The following DCLK3 variants were observed in gnomAD, a reference collection of about 807,000 sequenced individuals.
The protein encoded by DCLK3 is doublecortin like kinase 3, also known as serine/threonine-protein kinase DCLK3.
Under a neutral mutation model 46.4 loss-of-function variants are expected in DCLK3, and 30 were observed. The ratio of observed to expected loss-of-function variants is 0.65; its 90% confidence interval spans 0.48 to 0.88. DCLK3 has a LOEUF of 0.88. Among genes scored for constraint, DCLK3 ranks in the 40% least tolerant of loss-of-function variants. The pLI, the probability that DCLK3 is intolerant of heterozygous loss-of-function variation, is 0.00. For missense variants in DCLK3, 846 were observed against 907.1 expected (o/e 0.93, Z 0.87); for synonymous variants, 401 against 339.2 (o/e 1.18, Z -2.00).
At chr3:36,723,570 C>A (rs557351311) in intron 2 of DCLK3, among the ~76,000 whole-genome samples, 92 of 152,276 alleles carry the variant, frequency 6.0e-4, no homozygotes, top group African/African-American at 2.0e-3. Flanking sequence ...ATGCTGTGTG[C>A]AGCCTAGGGA....
chr3:36,754,575 A>G (rs761018720), intron 1 of DCLK3, among the ~76,000 whole-genome samples: 1 of 152,228 alleles, frequency 6.6e-6, no homozygotes, highest in East Asian at 1.9e-4. Flanking sequence ...ATTTGGTGCT[A>G]GTAGTGTCTA....
rs2125517261 is a variant in DCLK3 at position 36,713,293 on chromosome 3, G to A, written c.*2035C>T. The A allele has an allele frequency of 6.6e-6, 1 of 152,332 alleles. No homozygotes were observed. Among genetic ancestry groups the A allele is most frequent in the Middle Eastern group, 3.4e-3 (1 of 294 alleles). The allele number at this position is 152,332 out of a possible 1,614,324, so 9.4% of individuals were successfully genotyped here. A position where few individuals can be genotyped will look rare whatever the true frequency, so the allele number is the denominator to read the frequency against. ...AAAACCAGAAAAATGTGACATCATG[G>A]TAGTCAACAGGAGAAATTATTCAAA... On this transcript the variant is annotated 3_prime_UTR_variant, in exon 5 of 5. Transcript: ENST00000636136.
chr3:36,728,481 G>A (rs914891926), intron 2 of DCLK3, among the ~76,000 whole-genome samples: 1 of 152,158 alleles, frequency 6.6e-6, no homozygotes, highest in African/African-American at 2.4e-5. Context: ...CCGGCTGGGG[G>A]CTTGGATAGA....
chr3:36,732,130 G>A (rs188300791), intron 2 of DCLK3, among the ~76,000 whole-genome samples: 1 of 152,312 alleles, frequency 6.6e-6, no homozygotes, highest in East Asian at 1.9e-4. Context: ...TTGATGAAAT[G>A]AGGTCACAGT....
At chr3:36,716,129 C>T (rs887414895) in intron 4 of DCLK3, among the ~76,000 whole-genome samples, 3 of 152,146 alleles carry the variant, frequency 2.0e-5, no homozygotes, top group African/African-American at 7.2e-5. Context: ...AAGACCATGA[C>T]TGATTTTAGA....
chr3:36,730,741 A>C (rs1701189388), intron 2 of DCLK3, among the ~76,000 whole-genome samples: 1 of 151,704 alleles, frequency 6.6e-6, no homozygotes, highest in Non-Finnish European at 1.5e-5. Flanking sequence ...ATCACAGAAA[A>C]TTCTACTGGC....
rs758826448 is a variant in DCLK3 at position 36,738,539 on chromosome 3, T to C, written c.628A>G (p.Ser210Gly). 2 of 1,506,590 alleles carry C rather than the reference T, an allele frequency of 1.3e-6. No homozygotes were observed. Among genetic ancestry groups the C allele is most frequent in the Non-Finnish European group, 1.8e-6 (2 of 1,127,456 alleles). 93.3% of individuals were successfully genotyped at this position (1,506,590 alleles called of 1,614,324 possible). ...TTCAGAGCCTTGCTAAACAGCCTGC[T>C]CCTCAGCCTTGGAGAAGGGGCACGG... The part of the protein sequence containing the change: ...HSRAPSPRLR[S>G]RLFSKALKGD... The change falls in exon 2 of 5, where the codon AGC becomes GGC. Residue 210 changes from serine to glycine, a missense_variant. Physicochemically the swap from Ser to Gly is moderately conservative, Grantham distance 56 (BLOSUM62 0). Coordinates refer to ENST00000636136, the MANE Select transcript of DCLK3 (RefSeq NM_001394672.2).
intron 1 of DCLK3, among the ~76,000 whole-genome samples, chr3:36,758,694 G>A (rs1056590860): frequency 1.3e-5 from 2 of 152,200 alleles, no homozygotes; most frequent in African/African-American, 4.8e-5. Context: ...CCAGGCTCAG[G>A]TGTTTTCCTA....
Position 36,716,867 on chromosome 3 carries a change from A to G in DCLK3, c.2260+1143T>C, listed in dbSNP as rs1393926870. On this transcript the variant is annotated intron_variant, in intron 4 of 4. Coordinates refer to ENST00000636136, the MANE Select transcript of DCLK3 (RefSeq NM_001394672.2). ...CCAAATCTAAGGAGTGCTGCATAGAACTTTCTAAAATGATTTTTAGTCCCT... is the reference window on the plus strand; with the variant it reads ...CCAAATCTAAGGAGTGCTGCATAGAGCTTTCTAAAATGATTTTTAGTCCCT... Among the ~76,000 whole-genome samples the G allele has an allele frequency of 2.0e-5, 3 of 152,292 alleles. No homozygotes were observed. The East Asian group carries it at 5.8e-4, about 29-fold the overall frequency.
At position 36,743,103 on chromosome 3, in the gene DCLK3, G is replaced by A. The variant is rs549393972; in HGVS notation, c.83-4019C>T. Among the ~76,000 whole-genome samples, 9 of 151,874 alleles carry A rather than the reference G, an allele frequency of 5.9e-5. No individual in the cohort carries two copies. In the South Asian group the frequency reaches 6.2e-4, roughly 11 times the overall value. Reference sequence around the variant, plus strand: ...ATTTCATGTGGCTCACCCTCATACCGGTTGAGTATCCCAAAACCAAAAATA... The same window carrying A: ...ATTTCATGTGGCTCACCCTCATACCAGTTGAGTATCCCAAAACCAAAAATA... On this transcript the variant is annotated intron_variant, in intron 1 of 4. Transcript: ENST00000636136.
chr3:36,715,271 A>G lies in DCLK3; in HGVS notation c.*57T>C. On this transcript the variant is annotated 3_prime_UTR_variant, in exon 5 of 5. Transcript: ENST00000636136. The stretch of plus-strand genomic sequence containing the variant: ...TTCATTGTTTTTCTCTCAAACTTCT[A>G]TCCTTTTCTCTGTCCTTGAGCAGAA... 1 of 1,585,132 alleles carries G rather than the reference A, an allele frequency of 6.3e-7. No homozygotes were observed. The highest frequency in any genetic ancestry group is 2.3e-5 in the East Asian group (1 of 43,986).
chr3:36,719,253 A>G (rs776856290), intron 3 of DCLK3, among the ~76,000 whole-genome samples: 4 of 152,218 alleles, frequency 2.6e-5, no homozygotes, highest in Non-Finnish European at 4.4e-5. Flanking sequence ...AACTTATCAC[A>G]GCAATATAGA....
intron 1 of DCLK3, among the ~76,000 whole-genome samples, chr3:36,745,223 A>G (rs1575144882): frequency 6.7e-6 from 1 of 149,412 alleles, no homozygotes; most frequent in Non-Finnish European, 1.5e-5. Flanking sequence ...TTAAATCACA[A>G]TTAAAGAGAT....
intron 1 of DCLK3, among the ~76,000 whole-genome samples, chr3:36,753,327 G>A (rs969003192): frequency 3.9e-5 from 6 of 152,014 alleles, no homozygotes; most frequent in African/African-American, 1.4e-4. Context: ...TTCTTTGATT[G>A]TTAACATGCT....
intron 1 of DCLK3, among the ~76,000 whole-genome samples, chr3:36,756,090 T>C (rs1701482377): frequency 6.6e-6 from 1 of 152,118 alleles, no homozygotes. Flanking sequence ...GGATATGGGT[T>C]GATTTGGGAG....
rs1700947325 is a variant in DCLK3, at chr3:36,714,262, T to G, written c.*1066A>C. On this transcript the variant is annotated 3_prime_UTR_variant, in exon 5 of 5. Coordinates refer to ENST00000636136, the MANE Select transcript of DCLK3 (RefSeq NM_001394672.2). ...GCCTCCGCCCAGATGGCTCCAAAAC[T>G]GTTAGGGAAGGTAGACGTGAAAAAG... 6.6e-6 allele frequency: 1 copy of G among 152,186 alleles called. No individual in the cohort carries two copies. The highest frequency in any genetic ancestry group is 6.5e-5 in the Admixed American group (1 of 15,282). The allele number at this position is 152,186 out of a possible 1,614,324, so 9.4% of individuals were successfully genotyped here. A position where few individuals can be genotyped will look rare whatever the true frequency, so the allele number is the denominator to read the frequency against.
intron 2 of DCLK3, among the ~76,000 whole-genome samples, chr3:36,731,960 C>A (rs11721216): frequency 6.6e-6 from 1 of 152,180 alleles, no homozygotes; most frequent in Admixed American, 6.5e-5. Flanking sequence ...TTTCCGAATG[C>A]CCTTAAAGAC....
Position 36,764,473 on chromosome 3 carries a change from G to T in DCLK3, c.-210C>A. On this transcript the variant is annotated 5_prime_UTR_variant, in exon 1 of 5. Transcript: ENST00000636136. This position sits in a 1 kb window ranked among gnomAD's most constrained non-coding sequence, Gnocchi z 4.9. ...GCGACAGCCACCGGGAACGTCTCCG[G>T]GGGCGCGGGACTTAGCAACCGCGCA... The T allele has an allele frequency of 6.0e-6, 1 of 165,300 alleles. No homozygotes were observed. The highest frequency in any genetic ancestry group is 1.9e-4 in the South Asian group (1 of 5,352). 10.2% of individuals were successfully genotyped at this position (165,300 alleles called of 1,614,324 possible).
chr3:36,731,890 C>G (rs1701204111), intron 2 of DCLK3, among the ~76,000 whole-genome samples: 1 of 152,188 alleles, frequency 6.6e-6, no homozygotes, highest in Non-Finnish European at 1.5e-5. Flanking sequence ...AATTAGACAA[C>G]TAGACCTGAG....
Sources: gnomAD v4.1 joint callset for allele counts (sites outside exome capture counted in the v4.1 genomes callset) on GRCh38, gnomAD v4.1.1 for gene constraint, Gnocchi (gnomAD v3.1) non-coding constraint, MANE v1.5 for transcripts, NCBI Gene and HGNC (gene_info 2026-07-23, HGNC 2026-07-21) for gene names.